Variants in POLN observed in about 807,000 individuals in gnomAD.
POLN encodes the protein DNA polymerase nu.
POLN carries 108 observed loss-of-function variants against 113.5 expected under a neutral mutation model. The ratio of observed to expected loss-of-function variants is 0.95; its 90% CI spans 0.81 to 1.12. The LOEUF (loss-of-function observed/expected upper bound fraction) is 1.12, where lower values mean the gene tolerates loss of function less well. Ranked by LOEUF, POLN falls within the 50% of genes most tolerant of loss-of-function variation. POLN has a pLI of 0.00. For missense variants in POLN, 1,097 were observed against 1,077.1 expected, an observed-to-expected ratio of 1.02 and a Z score of -0.26; for synonymous variants, 386 against 391.5, an observed-to-expected ratio of 0.99 and a Z score of 0.17.
At position 2,081,251 on chromosome 4, in the gene POLN, C is replaced by T. The variant is rs1394916526; in HGVS notation, c.2309-215G>A. 4 of 1,452,754 alleles carry T rather than the reference C, an allele frequency of 2.8e-6. No individual in the cohort carries two copies. The Admixed American group carries it at 5.9e-5, about 22-fold the overall frequency. The allele number at this position is 1,452,754 out of a possible 1,614,324, so 90.0% of individuals were successfully genotyped here. On this transcript the variant is annotated intron_variant, in intron 22 of 25. Coordinates refer to ENST00000511885, the MANE Select transcript of POLN (RefSeq NM_181808.4). ...CTGCAGGGCACCTGGGTTTTGGGTG[C>T]CTTACTCCTGGAGGCCTCACCCCTG...
chr4:2,091,347 A>C (rs1464213519), intron 20 of POLN, among the ~76,000 whole-genome samples: 1 of 152,246 alleles, frequency 6.6e-6, no homozygotes, highest in East Asian at 1.9e-4. Context: ...AGGCATAAAG[A>C]AAGCCCATCC....
chr4:2,242,089 C>G lies in POLN; in HGVS notation c.-322G>C. ...GCTTGCTTCTCGCAGGAGCCCGCCG[C>G]CACCGCCCTCCGTGCCCCGCGCGCC... On this transcript the variant is annotated 5_prime_UTR_variant, in exon 1 of 26. Coordinates refer to ENST00000511885, the MANE Select transcript of POLN (RefSeq NM_181808.4). The G allele has an allele frequency of 2.0e-6, 2 of 985,914 alleles. No homozygotes were observed. Among genetic ancestry groups the G allele is most frequent in the Non-Finnish European group, 2.4e-6 (2 of 830,288 alleles). The allele number at this position is 985,914 out of a possible 1,614,324, so 61.1% of individuals were successfully genotyped here.
At chr4:2,195,359 T>C (rs1263756098) in intron 6 of POLN, among the ~76,000 whole-genome samples, 2 of 152,106 alleles carry the variant, frequency 1.3e-5, no homozygotes, top group Admixed American at 1.3e-4. Flanking sequence ...GATACATTAA[T>C]GAACACACTA....
At chr4:2,097,350 C>T (rs1462761963) in intron 19 of POLN, among the ~76,000 whole-genome samples, 1 of 151,818 alleles carries the variant, frequency 6.6e-6, no homozygotes, top group East Asian at 1.9e-4. Flanking sequence ...CCAGGCTCTC[C>T]TACCATTTTT....
intron 3 of POLN, among the ~76,000 whole-genome samples, chr4:2,217,462 T>C (rs539526341): frequency 6.6e-6 from 1 of 152,306 alleles, no homozygotes; most frequent in East Asian, 1.9e-4. Context: ...TGCTTGTACC[T>C]AGTACTAAAT....
chr4:2,140,736 A>G (rs1731979427), intron 16 of POLN: 1 of 151,736 alleles, frequency 6.6e-6, no homozygotes, highest in African/African-American at 2.4e-5. Context: ...TGACAGAGTG[A>G]GATTCTGTCT....
intron 7 of POLN, among the ~76,000 whole-genome samples, chr4:2,188,300 T>C (rs1202644636): frequency 1.3e-5 from 2 of 151,970 alleles, no homozygotes; most frequent in African/African-American, 4.8e-5. Flanking sequence ...AGTTCTTCAA[T>C]CTGAAAGAAA....
At chr4:2,119,387 T>C (rs1489393136) in intron 19 of POLN, among the ~76,000 whole-genome samples, 2 of 148,440 alleles carry the variant, frequency 1.3e-5, no homozygotes, top group Non-Finnish European at 3.0e-5. Flanking sequence ...GCATAATGGC[T>C]GTGTCTTTTG....
intron 17 of POLN, 40 bp downstream of exon 17, chr4:2,131,193 G>C (rs1577711720): frequency 7.1e-7 from 1 of 1,415,724 alleles, no homozygotes; most frequent in Admixed American, 1.8e-5. Context: ...TCAAAAGAGA[G>C]TTACCAGAGA....
At chr4:2,174,095 C>T in intron 10 of POLN, 76 bp from the exon 11 acceptor site, 1 of 1,380,382 alleles carries the variant, frequency 7.2e-7, no homozygotes, top group South Asian at 1.2e-5. Flanking sequence ...TGCTTCGCTC[C>T]CTGATGAGGA....
At chr4:2,078,446 T>G in intron 23 of POLN, 2 of 501,514 alleles carry the variant, frequency 4.0e-6, no homozygotes, top group Non-Finnish European at 5.2e-6. Context: ...GGCAGACCCT[T>G]GGGGTGGCCA....
At chr4:2,225,346 G>A (rs1258975269) in intron 3 of POLN, among the ~76,000 whole-genome samples, 1 of 151,974 alleles carries the variant, frequency 6.6e-6, no homozygotes, top group Non-Finnish European at 1.5e-5. Flanking sequence ...CTTGAGGTCA[G>A]GAGTTTAAGA....
intron 16 of POLN, among the ~76,000 whole-genome samples, chr4:2,136,593 C>T (rs536211147): frequency 3.9e-5 from 6 of 152,316 alleles, no homozygotes; most frequent in East Asian, 1.9e-4. Context: ...GCTGAGATGA[C>T]GTTTTAATTC....
chr4:2,208,247 T>A lies in POLN; in HGVS notation c.454A>T (p.Ile152Phe), dbSNP rs1291851049. The part of the protein sequence containing the change: ...ENINNENKGS[I>F]NLKRKHITYN... ...GTAATATGTTTTCTTTTAAGATTAATGCTTCCTTTATTTTCATTATTTATA... is the reference window on the plus strand; with the variant it reads ...GTAATATGTTTTCTTTTAAGATTAAAGCTTCCTTTATTTTCATTATTTATA... The change falls in exon 5 of 26, where the codon ATT becomes TTT. Residue 152 changes from isoleucine to phenylalanine, a missense_variant. Coordinates refer to ENST00000511885, the MANE Select transcript of POLN (RefSeq NM_181808.4). 1.3e-6 allele frequency: 2 copies of A among 1,587,372 alleles called. No homozygotes were observed. The highest frequency in any genetic ancestry group is 1.7e-6 in the Non-Finnish European group (2 of 1,160,674).
intron 5 of POLN, among the ~76,000 whole-genome samples, chr4:2,199,564 G>GTA (rs1179484946): frequency 3.9e-5 from 6 of 151,986 alleles, no homozygotes; most frequent in East Asian, 3.9e-4. Flanking sequence ...TCAGAAGATG[G>GTA]TATATATATA....
At chr4:2,200,558 C>T (rs1050809119) in intron 5 of POLN, among the ~76,000 whole-genome samples, 2 of 152,160 alleles carry the variant, frequency 1.3e-5, no homozygotes, top group African/African-American at 4.8e-5. Context: ...CAGACAAGCC[C>T]CAGGACAGCT....
chr4:2,148,026 G>A (rs187383840), intron 16 of POLN, among the ~76,000 whole-genome samples: 11 of 152,252 alleles, frequency 7.2e-5, no homozygotes, highest in Admixed American at 2.0e-4. Context: ...GAAGCACACA[G>A]AAAAGGCTCC....
intron 16 of POLN, among the ~76,000 whole-genome samples, chr4:2,136,499 T>C (rs1288701693): frequency 6.6e-6 from 1 of 152,236 alleles, no homozygotes; most frequent in East Asian, 1.9e-4. Flanking sequence ...ATGGTGAACT[T>C]GGTATGTTTT....
At chr4:2,072,415 A>G in intron 25 of POLN, 116 bp from the exon 26 acceptor site, 3 of 860,544 alleles carry the variant, frequency 3.5e-6, no homozygotes, top group Non-Finnish European at 3.5e-6. Context: ...ATCCAGATAC[A>G]TGATCAGACA....
Sources: allele counts gnomAD v4.1 joint callset (sites outside exome capture counted in the v4.1 genomes callset), GRCh38; gene constraint gnomAD v4.1.1; transcripts MANE v1.5; gene names NCBI Gene and HGNC (gene_info 2026-07-23, HGNC 2026-07-21).